Variants in GCM2 observed in about 807,000 individuals in gnomAD.
The protein encoded by GCM2 is chorion-specific transcription factor GCMb.
Under a neutral mutation model 24.8 loss-of-function variants are expected in GCM2, and 21 were observed. That is an observed-to-expected ratio of 0.85 (90% CI 0.60 to 1.22). GCM2 has a LOEUF of 1.22. Among genes scored for constraint, GCM2 ranks in the 50% most tolerant of loss-of-function variants. The probability of loss-of-function intolerance (pLI) is 0.00; values close to 1 mark genes in which losing one functional copy is unlikely to be tolerated. For missense variants in GCM2, 532 were observed against 645.6 expected (o/e 0.82, Z 1.91); for synonymous variants, 222 against 238.0 (o/e 0.93, Z 0.62).
At chr6:10,879,342 G>A (rs1435560383) in intron 1 of GCM2, among the ~76,000 whole-genome samples, 1 of 152,164 alleles carries the variant, frequency 6.6e-6, no homozygotes, top group Non-Finnish European at 1.5e-5. Flanking sequence ...AGGCCCCCAT[G>A]CCTCACACGA....
rs144205293 is a variant in GCM2 at position 10,881,918 on chromosome 6, CAGAG to C, written c.-129_-126del. 1.9e-3 allele frequency: 1,435 copies of C among 745,992 alleles called. 17 individuals are homozygous for C. The African/African-American group carries it at 0.021, about 11-fold the overall frequency. 46.2% of individuals were successfully genotyped at this position (745,992 alleles called of 1,614,324 possible). Reference sequence around the variant, plus strand: ...AAGTGGGGTGTGTGAAGGGGAGGTGCAGAGAGAGAGAAAGAGAGAGAGGCTGTTT... The same window carrying C: ...AAGTGGGGTGTGTGAAGGGGAGGTGCAGAGAGAAAGAGAGAGAGGCTGTTT... On this transcript the variant is annotated 5_prime_UTR_variant, in exon 1 of 5. Coordinates refer to ENST00000379491, the MANE Select transcript of GCM2 (RefSeq NM_004752.4).
chr6:10,876,602 C>T, intron 2 of GCM2, 45 bp from the exon 3 acceptor site: 1 of 1,296,710 alleles, frequency 7.7e-7, no homozygotes, highest in Non-Finnish European at 1.1e-6. Flanking sequence ...ACCCCAGACC[C>T]TTCTGAAGGA....
In GCM2 at chr6:10,882,041, C is replaced by T. The variant is rs9393733; in HGVS notation, c.-248G>A. The T allele has an allele frequency of 3.0e-5, 16 of 527,458 alleles. No individual in the cohort carries two copies. The highest frequency in any genetic ancestry group is 4.1e-5 in the Non-Finnish European group (12 of 292,176). The allele number at this position is 527,458 out of a possible 1,614,324, so 32.7% of individuals were successfully genotyped here. ...ACGTTCTCCACCCGAACGGCAGCAT[C>T]GACCTCTGGCAGCTGCCCCCTCCTT... On this transcript the variant is annotated 5_prime_UTR_variant, in exon 1 of 5. Transcript: ENST00000379491.
chr6:10,876,128 T>C, intron 3 of GCM2, 112 bp from the exon 4 acceptor site: 1 of 1,193,372 alleles, frequency 8.4e-7, no homozygotes, highest in Non-Finnish European at 1.2e-6. Context: ...GTTTTGTTTC[T>C]TTCAAAATGA....
rs1779835398 is a variant in GCM2, at chr6:10,873,723, C to T, written c.*272G>A. 4.1e-6 allele frequency: 2 copies of T among 484,410 alleles called. No homozygotes were observed. Among genetic ancestry groups the T allele is most frequent in the African/African-American group, 3.9e-5 (2 of 51,224 alleles). The allele number at this position is 484,410 out of a possible 1,614,324, so 30.0% of individuals were successfully genotyped here. ...GTGAACTTAGGTCAGTATTTAACCTCCTACAGTTTGCTTATTTGTTCATTT... is the reference window on the plus strand; with the variant it reads ...GTGAACTTAGGTCAGTATTTAACCTTCTACAGTTTGCTTATTTGTTCATTT... On this transcript the variant is annotated 3_prime_UTR_variant, in exon 5 of 5. Coordinates refer to ENST00000379491, the MANE Select transcript of GCM2 (RefSeq NM_004752.4).
chr6:10,875,784 ATC>A, intron 4 of GCM2, 105 bp downstream of exon 4: 1 of 1,136,424 alleles, frequency 8.8e-7, no homozygotes, highest in Non-Finnish European at 1.3e-6. Context: ...TTCAGATGAA[ATC>A]AAACCCTTGT....
rs763928997 is a variant in GCM2, at chr6:10,874,624, T to C, written c.892A>G (p.Ile298Val). The C allele has an allele frequency of 6.2e-6, 10 of 1,614,154 alleles. No individual in the cohort carries two copies. The highest frequency in any genetic ancestry group is 2.2e-5 in the East Asian group (1 of 44,874). Residue 298 changes from isoleucine (I) to valine (V), a missense_variant, in exon 5 of 5, where the codon ATC (isoleucine) becomes GTC (valine). Physicochemically the swap from Ile to Val is conservative, Grantham distance 29. This residue lies in a region of GCM2 where 434 missense variants were observed against 521.9 expected (regional missense o/e 0.83). Transcript: ENST00000379491. ...YPTLYKDSTS[I>V]PNDTDWVHLN... ...TGAACCCAGTCTGTGTCATTAGGGA[T>C]ACTGGTGGAATCCTTATAAAGGGTG...
chr6:10,881,571 TG>T, intron 1 of GCM2, 132 bp downstream of exon 1: 2 of 334,648 alleles, frequency 6.0e-6, no homozygotes, highest in Non-Finnish European at 1.2e-5. Context: ...TGTGTGTGTG[TG>T]TGTGTGTGTG....
rs757643811 is a variant in GCM2 at position 10,875,950 on chromosome 6, T to A, written c.523A>T (p.Ile175Phe). The change falls in exon 4 of 5, where the codon ATC (isoleucine) becomes TTC (phenylalanine). Residue 175 changes from isoleucine to phenylalanine, a missense_variant. By Grantham distance (21) the Ile-to-Phe change is conservative. Coordinates refer to ENST00000379491, the MANE Select transcript of GCM2 (RefSeq NM_004752.4). ...TAGAAAGAGGCCATTTGTCTCTTGA[T>A]GGCGCTTCTTCTAGCTTCTGTCTCT... is the stretch of plus-strand genomic sequence containing the variant. The part of the protein sequence containing the change: ...KSETEARRSA[I>F]KRQMASFYQP... The A allele has an allele frequency of 5.0e-5, 81 of 1,613,814 alleles. No homozygotes were observed. Among genetic ancestry groups the A allele is most frequent in the Middle Eastern group, 1.7e-4 (1 of 6,058 alleles).
At chr6:10,876,638 A>C (rs557115057) in intron 2 of GCM2, 81 bp from the exon 3 acceptor site, 10 of 1,005,574 alleles carry the variant, frequency 9.9e-6, no homozygotes, top group Admixed American at 1.8e-5. Context: ...GCTGGGAACA[A>C]AGAACTCATG....
Position 10,876,561 on chromosome 6 carries a change from C to A in GCM2, c.344-4G>T, listed in dbSNP as rs1779882525. The A allele has an allele frequency of 6.3e-6, 10 of 1,581,948 alleles. No individual in the cohort carries two copies. On this transcript the variant is annotated splice_region_variant and splice_polypyrimidine_tract_variant and intron_variant, in intron 2 of 4. Coordinates refer to ENST00000379491, the MANE Select transcript of GCM2 (RefSeq NM_004752.4). ...TGACAGTTAGGGCATGCCTTCTCTG[C>A]AAAGCCCAGAAGGGAGAAATATTAA...
rs759190203 is a variant in GCM2, at chr6:10,876,442, T to TA, written c.456+2dup. ...TCACAAATTGTGTTCTCACCTGACC[T>TA]ACCTGAAAAAAGATCGCGTTGCCAT... On this transcript the variant is annotated splice_region_variant and intron_variant, in intron 3 of 4. Coordinates refer to ENST00000379491, the MANE Select transcript of GCM2 (RefSeq NM_004752.4). 6.3e-7 allele frequency: 1 copy of TA among 1,587,646 alleles called. No individual in the cohort carries two copies. Among genetic ancestry groups the TA allele is most frequent in the South Asian group, 1.1e-5 (1 of 90,524 alleles).
In GCM2 at chr6:10,874,389, G is replaced by A; in HGVS notation, c.1127C>T (p.Ala376Val). 1 of 1,614,216 alleles carries A rather than the reference G, an allele frequency of 6.2e-7. No homozygotes were observed. Among genetic ancestry groups the A allele is most frequent in the Non-Finnish European group, 8.5e-7 (1 of 1,180,024 alleles). Reference protein sequence around the residue: ...CRYLTTPPPGAPALQTVITTT... With the variant: ...CRYLTTPPPGVPALQTVITTT... ...GGTGATCACGGTTTGTAGGGCAGGG[G>A]CACCTGGTGGTGGAGTCGTGAGGTA... is the stretch of plus-strand genomic sequence containing the variant. The change falls in exon 5 of 5, where the codon GCC becomes GTC. Residue 376 changes from alanine to valine, a missense_variant. Ala to Val is a moderately conservative substitution (Grantham distance 64). Transcript: ENST00000379491.
chr6:10,875,874 T>A lies in GCM2; in HGVS notation c.582+17A>T, dbSNP rs1464795270. On this transcript the variant is annotated intron_variant, in intron 4 of 4. Coordinates refer to ENST00000379491, the MANE Select transcript of GCM2 (RefSeq NM_004752.4). ...AAAATGAGCTGAGACCACTGTGCAC[T>A]ATCAGCTCCCTGTTACCTCGGATTC... 1.2e-6 allele frequency: 2 copies of A among 1,613,484 alleles called. No homozygotes were observed. Among genetic ancestry groups the A allele is most frequent in the African/African-American group, 2.7e-5 (2 of 74,934 alleles).
rs745864317 is a variant in GCM2 at position 10,874,641 on chromosome 6, T to C, written c.875A>G (p.Tyr292Cys). The change falls in exon 5 of 5, where the codon TAT becomes TGT. Residue 292 changes from tyrosine (Y) to cysteine (C), a missense_variant. Tyr to Cys is a radical substitution (Grantham distance 194). This residue lies in a region of GCM2 where 434 missense variants were observed against 521.9 expected (regional missense o/e 0.83). Coordinates refer to ENST00000379491, the MANE Select transcript of GCM2 (RefSeq NM_004752.4). ...YTNSSPYPTL[Y>C]KDSTSIPNDT... ...ATTAGGGATACTGGTGGAATCCTTA[T>C]AAAGGGTGGGATATGGGCTTGAATT... is the stretch of plus-strand genomic sequence containing the variant. 8 of 1,614,206 alleles carry C rather than the reference T, an allele frequency of 5.0e-6. No individual in the cohort carries two copies. In the East Asian group the frequency reaches 1.1e-4, roughly 22 times the overall value.
chr6:10,876,402 G>T, intron 3 of GCM2, 43 bp downstream of exon 3: 1 of 1,281,454 alleles, frequency 7.8e-7, no homozygotes, highest in Non-Finnish European at 1.1e-6. Context: ...TTTGTGGTCT[G>T]ATGAAAAGTA....
In GCM2 at chr6:10,877,328, C is replaced by T; in HGVS notation, c.155G>A (p.Ser52Asn). The T allele has an allele frequency of 6.2e-7, 1 of 1,614,162 alleles. No individual in the cohort carries two copies. Among genetic ancestry groups the T allele is most frequent in the Non-Finnish European group, 8.5e-7 (1 of 1,179,986 alleles). Residue 52 changes from serine to asparagine, a missense_variant, in exon 2 of 5, where the codon AGC becomes AAC. Around this residue, in one of 3 missense-constraint regions of GCM2, gnomAD observed 96 missense variants for 103.5 expected, o/e 0.93. Coordinates refer to ENST00000379491, the MANE Select transcript of GCM2 (RefSeq NM_004752.4). Reference protein sequence around the residue: ...PDGYVRFIYSSDEKKAQRHLS... With the variant: ...PDGYVRFIYSNDEKKAQRHLS... ...GTGACGCTGTGCCTTCTTCTCATCG[C>T]TGCTGTAGATGAAGCGCACATAGCC... is the stretch of plus-strand genomic sequence containing the variant.
rs769221323 is a variant in GCM2, at chr6:10,874,092, G to T, written c.1424C>A (p.Ala475Glu). Residue 475 changes from alanine (A) to glutamate (E), a missense_variant, in exon 5 of 5, where the codon GCA (alanine) becomes GAA (glutamate). By Grantham distance (107) the Ala-to-Glu change is moderately radical (BLOSUM62 -1). This residue lies in a region of GCM2 where 434 missense variants were observed against 521.9 expected (regional missense o/e 0.83). Coordinates refer to ENST00000379491, the MANE Select transcript of GCM2 (RefSeq NM_004752.4). The stretch of plus-strand genomic sequence containing the variant: ...AGACAGACACACATCCCAAGTCTCT[G>T]CTTCATCTGTCCTAGAGGAAACTGG... ...HEPVSSRTDE[A>E]ETWDVCLSGL... 3.1e-6 allele frequency: 5 copies of T among 1,614,078 alleles called. No individual in the cohort carries two copies. Among genetic ancestry groups the T allele is most frequent in the Non-Finnish European group, 4.2e-6 (5 of 1,180,038 alleles).
Position 10,877,520 on chromosome 6 carries a change from A to C in GCM2, c.91-128T>G, listed in dbSNP as rs564107877. On this transcript the variant is annotated intron_variant, in intron 1 of 4. Transcript: ENST00000379491. The stretch of plus-strand genomic sequence containing the variant: ...TTTAAATCCAGTAACGTCAAATTCC[A>C]AAATGCCACTCTTTCTATGTAAGAC... 3 of 919,312 alleles carry C rather than the reference A, an allele frequency of 3.3e-6. No homozygotes were observed. In the South Asian group the frequency reaches 4.2e-5, roughly 13 times the overall value. The allele number at this position is 919,312 out of a possible 1,614,324, so 56.9% of individuals were successfully genotyped here. A position where few individuals can be genotyped will look rare whatever the true frequency, so the allele number is the denominator to read the frequency against.
Sources: gnomAD v4.1 joint callset for allele counts (sites outside exome capture counted in the v4.1 genomes callset) on GRCh38, gnomAD v4.1.1 for gene constraint, gnomAD v4.1.1 regional missense constraint, MANE v1.5 for transcripts, NCBI Gene and HGNC (gene_info 2026-07-23, HGNC 2026-07-21) for gene names.